Variants in MROH7 observed in about 807,000 individuals in gnomAD.
The protein encoded by MROH7 is maestro heat-like repeat-containing protein family member 7.
A neutral mutation model predicts 129.2 loss-of-function variants in MROH7; 113 were observed. That is an observed-to-expected ratio of 0.87 (90% CI 0.75 to 1.02). The LOEUF (loss-of-function observed/expected upper bound fraction) is 1.02. Ranked by LOEUF, MROH7 falls within the 50% of genes least tolerant of loss-of-function variation. MROH7 has a pLI of 0.00. For missense variants in MROH7, 1,601 were observed against 1,671.3 expected (o/e 0.96, Z 0.73); for synonymous variants, 655 against 667.9 (o/e 0.98, Z 0.30).
Position 54,692,580 on chromosome 1 carries a change from T to G in MROH7, c.2849+19T>G. The G allele has an allele frequency of 6.2e-7, 1 of 1,608,308 alleles. No homozygotes were observed. Among genetic ancestry groups the G allele is most frequent in the Non-Finnish European group, 8.5e-7 (1 of 1,178,712 alleles). On this transcript the variant is annotated intron_variant, in intron 16 of 23. Coordinates refer to ENST00000421030, the MANE Select transcript of MROH7 (RefSeq NM_001039464.4). ...TGGCAAGGTGAGTCCCGGGACCACCTTGGGGTTGGGGTGGGAGGGAGAAAG... is the reference window on the plus strand; with the variant it reads ...TGGCAAGGTGAGTCCCGGGACCACCGTGGGGTTGGGGTGGGAGGGAGAAAG...
At position 54,690,690 on chromosome 1, in the gene MROH7, T is replaced by G. The variant is rs547066626; in HGVS notation, c.2712-1734T>G. On this transcript the variant is annotated intron_variant, in intron 15 of 23. Coordinates refer to ENST00000421030, the MANE Select transcript of MROH7 (RefSeq NM_001039464.4). ...GATCTCCTGACCTCGTGATCCACCCTCCTCGGCCACCCAAAGTGCTGGGAT... is the reference window on the plus strand; with the variant it reads ...GATCTCCTGACCTCGTGATCCACCCGCCTCGGCCACCCAAAGTGCTGGGAT... 1.2e-4 allele frequency among the ~76,000 whole-genome samples: 18 copies of G among 152,174 alleles called. No homozygotes were observed. The East Asian group carries it at 2.5e-3, about 21-fold the overall frequency.
chr1:54,673,221 G>A, intron 8 of MROH7, 35 bp downstream of exon 8: 1 of 1,522,088 alleles, frequency 6.6e-7, no homozygotes, highest in Non-Finnish European at 9.1e-7. Flanking sequence ...AGGGAGGGGA[G>A]GAAGGGTGGA....
chr1:54,679,504 CTCA>C (rs1645035317), intron 12 of MROH7, 65 bp downstream of exon 12: 1 of 1,532,496 alleles, frequency 6.5e-7, no homozygotes, highest in Non-Finnish European at 8.9e-7. Context: ...CCATGGCCTG[CTCA>C]TCACTGGCCG....
intron 3 of MROH7, chr1:54,663,937 A>T (rs1239244143): frequency 9.2e-6 from 3 of 325,704 alleles, no homozygotes; most frequent in Non-Finnish European, 1.8e-5. Context: ...GGTGATCGAG[A>T]ATCTGAAGTT....
rs771351762 is a variant in MROH7, at chr1:54,673,703, C to G, written c.1698C>G (p.Ala566=). The G allele has an allele frequency of 6.2e-6, 10 of 1,612,996 alleles. No homozygotes were observed. The highest frequency in any genetic ancestry group is 1.3e-5 in the African/African-American group (1 of 74,906). The change falls in exon 9 of 24, where the codon GCC becomes GCG. Residue 566 remains alanine (A), a splice_region_variant and synonymous_variant. Transcript: ENST00000421030. ...GAGTCTTGCTTTTGATCCCACAGGC[C>G]CTGGGGCCTTGGATGAACTCTGGGA... ...TPAGLKSILE[A]LGPWMNSGKA...
intron 19 of MROH7, 129 bp from the exon 20 acceptor site, chr1:54,701,961 G>T: frequency 1.4e-6 from 1 of 739,348 alleles, no homozygotes. Context: ...AGGTTAGTGG[G>T]GGTCTGGCTG....
intron 16 of MROH7, among the ~76,000 whole-genome samples, chr1:54,693,500 A>G (rs1484424997): frequency 6.6e-6 from 1 of 152,170 alleles, no homozygotes; most frequent in Non-Finnish European, 1.5e-5. Flanking sequence ...AGTTATAGTC[A>G]CTGGTGGGGC....
intron 1 of MROH7, among the ~76,000 whole-genome samples, chr1:54,645,658 T>C (rs1557685646): frequency 6.9e-6 from 1 of 145,448 alleles, no homozygotes; most frequent in African/African-American, 2.6e-5. Flanking sequence ...TTTCTTTCTT[T>C]TTTTTTTTTT....
chr1:54,670,735 GC>G (rs921840614), intron 6 of MROH7, 64 bp from the exon 7 acceptor site: 7 of 1,488,172 alleles, frequency 4.7e-6, no homozygotes, highest in Admixed American at 1.9e-5. Context: ...CCTCAGCTCA[GC>G]CCCCGTCTAT....
At position 54,673,008 on chromosome 1, in the gene MROH7, C is replaced by G. The variant is rs552839942; in HGVS notation, c.1600-83C>G. The G allele has an allele frequency of 3.0e-4, 282 of 944,846 alleles. 1 individual carries two copies. The Middle Eastern group carries it at 4.3e-3, about 14-fold the overall frequency. 58.5% of individuals were successfully genotyped at this position (944,846 alleles called of 1,614,324 possible). A position where few individuals can be genotyped will look rare whatever the true frequency, so the allele number is the denominator to read the frequency against. Reference sequence around the variant, plus strand: ...TTCCTGGGTCTTAATTCCCCCTCCTCCCCTGACCTACACCAGGGGCCGCCT... The same window carrying G: ...TTCCTGGGTCTTAATTCCCCCTCCTGCCCTGACCTACACCAGGGGCCGCCT... On this transcript the variant is annotated intron_variant, in intron 7 of 23. Coordinates refer to ENST00000421030, the MANE Select transcript of MROH7 (RefSeq NM_001039464.4).
Position 54,674,159 on chromosome 1 carries a change from C to T in MROH7, c.1936+8C>T, listed in dbSNP as rs570760275. 25 of 1,610,844 alleles carry T rather than the reference C, an allele frequency of 1.6e-5. No homozygotes were observed. In the South Asian group the frequency reaches 2.7e-4, roughly 17 times the overall value. On this transcript the variant is annotated splice_region_variant and intron_variant, in intron 10 of 23. Coordinates refer to ENST00000421030, the MANE Select transcript of MROH7 (RefSeq NM_001039464.4). ...TTCTGGAGCTCCAAAAACGTAAGCC[C>T]TATCGGAGTACTTCTGAAGGAAGTC...
intron 10 of MROH7, among the ~76,000 whole-genome samples, chr1:54,675,622 G>C (rs1644968303): frequency 6.7e-6 from 1 of 149,790 alleles, no homozygotes; most frequent in Admixed American, 6.7e-5. Context: ...TTTTGAGACA[G>C]AGTCTTGCTC....
At chr1:54,678,576 G>T (rs79887715) in intron 10 of MROH7, among the ~76,000 whole-genome samples, 166 bp from the exon 11 acceptor site, 5,551 of 152,236 alleles carry the variant, frequency 0.036, 252 homozygotes, top group African/African-American at 0.096. Context: ...AGGGGCTTCT[G>T]GGGTGCTGAT....
rs1460472344 is a variant in MROH7 at position 54,700,612 on chromosome 1, TC to T, written c.3105+153del. On this transcript the variant is annotated intron_variant, in intron 18 of 23. Coordinates refer to ENST00000421030, the MANE Select transcript of MROH7 (RefSeq NM_001039464.4). ...AGTTGTCCCATCTGTAAAATAGATA[TC>T]CTTTAAAAATCTATATATTTTATTC... The T allele has an allele frequency of 8.4e-5, 60 of 716,022 alleles. No homozygotes were observed. The East Asian group carries it at 1.7e-3, about 20-fold the overall frequency. 44.4% of individuals were successfully genotyped at this position (716,022 alleles called of 1,614,324 possible).
At chr1:54,697,479 T>TG in intron 17 of MROH7, 1 of 523,558 alleles carries the variant, frequency 1.9e-6, no homozygotes, top group Non-Finnish European at 3.4e-6. Context: ...AGAGCAAACC[T>TG]GGCCTTGGGG....
At chr1:54,662,356 T>C (rs180980631) in intron 3 of MROH7, among the ~76,000 whole-genome samples, 214 of 152,058 alleles carry the variant, frequency 1.4e-3, no homozygotes, top group Non-Finnish European at 2.7e-3. Flanking sequence ...GCCAACATGG[T>C]GAAACCCTGT....
intron 16 of MROH7, among the ~76,000 whole-genome samples, chr1:54,693,725 T>C (rs776564929): frequency 2.0e-5 from 3 of 152,154 alleles, no homozygotes; most frequent in Non-Finnish European, 4.4e-5. Flanking sequence ...GCCTGCATCT[T>C]AGCCCTGTAC....
At chr1:54,699,925 G>T in intron 17 of MROH7, 1 of 588,028 alleles carries the variant, frequency 1.7e-6, no homozygotes, top group South Asian at 2.1e-5. Flanking sequence ...GTGGAGGTGG[G>T]CATCCCAGGA....
At chr1:54,685,655 G>C (rs187916735) in intron 14 of MROH7, among the ~76,000 whole-genome samples, 73 of 152,304 alleles carry the variant, frequency 4.8e-4, no homozygotes, top group Middle Eastern at 3.4e-3. Flanking sequence ...ACCAGCCCTT[G>C]GGGGCAGAGC....
Sources: gnomAD v4.1 joint callset for allele counts (sites outside exome capture counted in the v4.1 genomes callset) on GRCh38, gnomAD v4.1.1 for gene constraint, MANE v1.5 for transcripts, NCBI Gene and HGNC (gene_info 2026-07-23, HGNC 2026-07-21) for gene names.